The following TPD52 variants were observed in gnomAD, a reference collection of about 807,000 sequenced individuals.
TPD52 encodes prostate and colon associated protein.
Under a neutral mutation model 31.3 loss-of-function variants are expected in TPD52, and 17 were observed. That is an observed-to-expected ratio of 0.54 (90% confidence interval 0.37 to 0.82). TPD52 has a LOEUF of 0.82. Ranked by LOEUF, TPD52 falls within the 40% of genes least tolerant of loss-of-function variation. The probability of loss-of-function intolerance (pLI) is 0.00; values close to 1 mark genes in which losing one functional copy is unlikely to be tolerated. For synonymous variants in TPD52, 83 were observed against 89.6 expected (o/e 0.93, Z 0.42); for missense variants, 212 against 240.1 (o/e 0.88, Z 0.77).
At chr8:80,115,396 A>G (rs1266179701) in intron 1 of TPD52, among the ~76,000 whole-genome samples, 1 of 152,244 alleles carries the variant, frequency 6.6e-6, no homozygotes, top group African/African-American at 2.4e-5. Context: ...ACAATGACCT[A>G]CAGAGAGATG....
At chr8:80,156,467 A>G (rs1195990356) in intron 1 of TPD52, among the ~76,000 whole-genome samples, 4 of 152,210 alleles carry the variant, frequency 2.6e-5, no homozygotes, top group Admixed American at 2.6e-4. Context: ...TTTTGGAGGG[A>G]GGAGTATCAA....
At chr8:80,076,865 T>C (rs1344863511) in intron 1 of TPD52, among the ~76,000 whole-genome samples, 1 of 151,468 alleles carries the variant, frequency 6.6e-6, no homozygotes. Context: ...AGAGATGGGG[T>C]TTCACCATGA....
chr8:80,169,957 TAC>T (rs1811965721), intron 1 of TPD52, among the ~76,000 whole-genome samples: 1 of 152,208 alleles, frequency 6.6e-6, no homozygotes, highest in East Asian at 1.9e-4. Flanking sequence ...TGTGTATATA[TAC>T]GTTATACAGG....
At chr8:80,131,846 C>A (rs1230177489) in intron 1 of TPD52, among the ~76,000 whole-genome samples, 1 of 152,012 alleles carries the variant, frequency 6.6e-6, no homozygotes, top group African/African-American at 2.4e-5. Flanking sequence ...GGTTTGGAGA[C>A]AGATTTTCTA....
chr8:80,158,288 TCTC>T (rs1325368245), intron 1 of TPD52: 1 of 150,872 alleles, frequency 6.6e-6, no homozygotes, highest in African/African-American at 2.4e-5. Flanking sequence ...CCAACCCAAT[TCTC>T]CTCAACTCCA....
intron 1 of TPD52, among the ~76,000 whole-genome samples, chr8:80,101,671 A>G (rs1806752368): frequency 6.6e-6 from 1 of 152,162 alleles, no homozygotes. Context: ...AGGCAGGCGC[A>G]TCACATGGTG....
chr8:80,069,226 G>A (rs755623246), intron 1 of TPD52, among the ~76,000 whole-genome samples: 25 of 152,198 alleles, frequency 1.6e-4, no homozygotes, highest in Non-Finnish European at 2.5e-4. Flanking sequence ...CACTTTGGGA[G>A]GCCAAGGTGG....
At chr8:80,051,730 C>T in intron 3 of TPD52, 102 bp from the exon 4 acceptor site, 1 of 913,998 alleles carries the variant, frequency 1.1e-6, no homozygotes, top group Non-Finnish European at 1.6e-6. Context: ...GGAGAACTCT[C>T]AAAAAGAGAA....
At chr8:80,126,891 G>A (rs189760979) in intron 1 of TPD52, among the ~76,000 whole-genome samples, 2 of 152,256 alleles carry the variant, frequency 1.3e-5, no homozygotes, top group African/African-American at 4.8e-5. Flanking sequence ...GGAGGTTGAG[G>A]TGGGAGGGTG....
chr8:80,106,024 C>G (rs1314688315), intron 1 of TPD52, among the ~76,000 whole-genome samples: 1 of 152,102 alleles, frequency 6.6e-6, no homozygotes, highest in Non-Finnish European at 1.5e-5. Flanking sequence ...CTGCCCTATT[C>G]ATGAATGGGT....
In TPD52 at chr8:80,097,651, C is replaced by A. The variant is rs530061709; in HGVS notation, c.20-33058G>T. Among the ~76,000 whole-genome samples the A allele has an allele frequency of 3.9e-5, 6 of 152,330 alleles. No homozygotes were observed. The South Asian group carries it at 1.2e-3, about 32-fold the overall frequency. The stretch of plus-strand genomic sequence containing the variant: ...GATTCTAAGTTTCCTGAGGCCTCCC[C>A]AGCCATACTTCCTGTACGGTCTGTG... On this transcript the variant is annotated intron_variant, in intron 1 of 7. Transcript: ENST00000518937.
At chr8:80,084,652 A>T (rs1815593513) in intron 1 of TPD52, among the ~76,000 whole-genome samples, 1 of 152,176 alleles carries the variant, frequency 6.6e-6, no homozygotes, top group African/African-American at 2.4e-5. Flanking sequence ...CTGGAGTTGA[A>T]TTTCATCATT....
intron 1 of TPD52, among the ~76,000 whole-genome samples, chr8:80,092,097 T>G (rs539350139): frequency 6.6e-6 from 1 of 152,244 alleles, no homozygotes; most frequent in Non-Finnish European, 1.5e-5. Context: ...ATGCTTACAC[T>G]GTGTAATGAT....
At chr8:80,050,259 A>G (rs781124928) in intron 5 of TPD52, 186 bp downstream of exon 5, 5 of 438,398 alleles carry the variant, frequency 1.1e-5, no homozygotes, top group Non-Finnish European at 2.0e-5. Flanking sequence ...TTAATTTATC[A>G]ACTACCCATG....
rs187761982 is a variant in TPD52 at position 80,142,561 on chromosome 8, G to A, written c.19+28864C>T. ...AGCCTGAAGTACAAAAATGAGCCAG[G>A]TGTTGTGCCGCACAACTGTAGTCCC... On this transcript the variant is annotated intron_variant, in intron 1 of 7. Transcript: ENST00000518937. Among the ~76,000 whole-genome samples, 41 of 152,176 alleles carry A rather than the reference G, an allele frequency of 2.7e-4. 1 individual carries two copies. The highest frequency in any genetic ancestry group is 9.4e-4 in the African/African-American group (39 of 41,506).
At chr8:80,124,804 A>T (rs1273268793) in intron 1 of TPD52, among the ~76,000 whole-genome samples, 2 of 152,180 alleles carry the variant, frequency 1.3e-5, no homozygotes, top group African/African-American at 4.8e-5. Context: ...TTGACCATTA[A>T]GACAAACAAA....
At chr8:80,121,355 C>T (rs570235010) in intron 1 of TPD52, among the ~76,000 whole-genome samples, 1 of 152,090 alleles carries the variant, frequency 6.6e-6, no homozygotes, top group Admixed American at 6.5e-5. Context: ...GTGACAAGAC[C>T]CTTCTCCGTG....
At chr8:80,126,800 A>C (rs1270674802) in intron 1 of TPD52, among the ~76,000 whole-genome samples, 3 of 152,122 alleles carry the variant, frequency 2.0e-5, no homozygotes, top group Admixed American at 6.5e-5. Flanking sequence ...TATAATTTTG[A>C]TTTTAAATTA....
chr8:80,169,658 A>T (rs1024481525), intron 1 of TPD52, among the ~76,000 whole-genome samples: 1 of 152,222 alleles, frequency 6.6e-6, no homozygotes, highest in Non-Finnish European at 1.5e-5. Flanking sequence ...AAACATCATT[A>T]TGTCAAACGA....
Sources: allele counts gnomAD v4.1 joint callset (sites outside exome capture counted in the v4.1 genomes callset), GRCh38; gene constraint gnomAD v4.1.1; transcripts MANE v1.5; gene names NCBI Gene and HGNC (gene_info 2026-07-23, HGNC 2026-07-21).